NAA16: variants seen among roughly 807,000 people sequenced by gnomAD.
NAA16 encodes N-alpha-acetyltransferase 16, NatA auxiliary subunit, also known as NARG1-like protein.
A neutral mutation model predicts 110.3 loss-of-function variants in NAA16; 97 were observed. The observed-to-expected ratio is 0.88, with a 90% CI of 0.75 to 1.04. The LOEUF is 1.04. NAA16 is among the 50% of genes least tolerant of loss of function. The pLI, the probability that NAA16 is intolerant of heterozygous loss-of-function variation, is 0.00. For missense variants in NAA16, 1,017 were observed against 1,005.1 expected, an observed-to-expected ratio of 1.01 and a Z score of -0.16; for synonymous variants, 372 against 330.6, an observed-to-expected ratio of 1.13 and a Z score of -1.36.
chr13:41,349,423 C>T (rs2042768747), intron 9 of NAA16, among the ~76,000 whole-genome samples: 1 of 151,888 alleles, frequency 6.6e-6, no homozygotes, highest in East Asian at 1.9e-4. Context: ...CCTAAGTGAT[C>T]CTCTCACTTA....
At chr13:41,320,483 T>C (rs2041918190) in intron 3 of NAA16, among the ~76,000 whole-genome samples, 184 bp from the exon 4 acceptor site, 1 of 152,176 alleles carries the variant, frequency 6.6e-6, no homozygotes, top group African/African-American at 2.4e-5. Flanking sequence ...AATTTGACAA[T>C]TATCAACCCA....
At chr13:41,361,645 A>G (rs1040992861) in intron 12 of NAA16, among the ~76,000 whole-genome samples, 8 of 152,320 alleles carry the variant, frequency 5.3e-5, no homozygotes, top group Admixed American at 2.6e-4. Flanking sequence ...GATGGCTCCT[A>G]AGTGACAGTT....
intron 5 of NAA16, among the ~76,000 whole-genome samples, chr13:41,323,788 C>T (rs1015912473): frequency 2.6e-5 from 4 of 152,054 alleles, no homozygotes; most frequent in Non-Finnish European, 4.4e-5. Flanking sequence ...CCTGCCTCCA[C>T]GTTTCAATGG....
intron 9 of NAA16, among the ~76,000 whole-genome samples, chr13:41,344,722 G>C (rs920841589): frequency 6.6e-6 from 1 of 152,062 alleles, no homozygotes; most frequent in African/African-American, 2.4e-5. Context: ...ACCTATTTTT[G>C]TTTTGGTAAC....
intron 9 of NAA16, among the ~76,000 whole-genome samples, chr13:41,342,703 A>C (rs572383164): frequency 6.6e-6 from 1 of 152,216 alleles, no homozygotes; most frequent in Non-Finnish European, 1.5e-5. Flanking sequence ...ATGCCAACAA[A>C]TTATTTCTGT....
Position 41,374,800 on chromosome 13 carries a change from C to G in NAA16, c.2358C>G (p.Ala786=), listed in dbSNP as rs1326345192. The change falls in exon 19 of 20, where the codon GCC becomes GCG. Residue 786 remains alanine (A), a synonymous_variant. Transcript: ENST00000379406. The part of the protein sequence containing the change: ...KSRQEKAIAI[A]TRLDETIKDK... ...GGCAGGAGAAAGCAATTGCTATAGC[C>G]ACTAGACTAGATGAAACTATAAAAG... The G allele has an allele frequency of 6.2e-7, 1 of 1,612,032 alleles. No homozygotes were observed. The highest frequency in any genetic ancestry group is 1.3e-5 in the African/African-American group (1 of 74,806).
chr13:41,358,173 TTAG>T, intron 10 of NAA16, 128 bp from the exon 11 acceptor site: 2 of 755,918 alleles, frequency 2.6e-6, no homozygotes, highest in Middle Eastern at 3.3e-4. Context: ...TCTTTTGAAA[TTAG>T]TAGTTTTTGC....
chr13:41,313,503 A>T (rs528273987), intron 1 of NAA16, among the ~76,000 whole-genome samples: 7 of 152,384 alleles, frequency 4.6e-5, no homozygotes, highest in Non-Finnish European at 7.3e-5. Context: ...ATTCCATAGC[A>T]AACAGAAGTC....
intron 8 of NAA16, among the ~76,000 whole-genome samples, chr13:41,335,035 C>T (rs748138455): frequency 7.9e-5 from 12 of 152,180 alleles, no homozygotes; most frequent in South Asian, 2.1e-4. Flanking sequence ...AGAGCTTCCC[C>T]ATTCTTTTTC....
chr13:41,317,585 T>C (rs1342084894), intron 2 of NAA16, among the ~76,000 whole-genome samples: 3 of 152,214 alleles, frequency 2.0e-5, no homozygotes, highest in Non-Finnish European at 4.4e-5. Flanking sequence ...GATCATCTTA[T>C]TGGGAAAATA....
chr13:41,322,343 AGAGT>A (rs2041969408), intron 4 of NAA16, among the ~76,000 whole-genome samples: 1 of 152,138 alleles, frequency 6.6e-6, no homozygotes, highest in African/African-American at 2.4e-5. Context: ...CTGTGGGTAG[AGAGT>A]GAGATACCTA....
At chr13:41,368,480 C>A (rs1381875766) in intron 14 of NAA16, among the ~76,000 whole-genome samples, 1 of 152,092 alleles carries the variant, frequency 6.6e-6, no homozygotes, top group Non-Finnish European at 1.5e-5. Context: ...TTAGTTAATG[C>A]AACATTTACT....
At chr13:41,358,176 G>A (rs1278049827) in intron 10 of NAA16, 128 bp from the exon 11 acceptor site, 2 of 769,038 alleles carry the variant, frequency 2.6e-6, no homozygotes, top group African/African-American at 1.8e-5. Context: ...TTTGAAATTA[G>A]TAGTTTTTGC....
At chr13:41,365,156 A>G (rs909372235) in intron 13 of NAA16, among the ~76,000 whole-genome samples, 1 of 152,048 alleles carries the variant, frequency 6.6e-6, no homozygotes, top group African/African-American at 2.4e-5. Context: ...AACTAACTTT[A>G]TCTGTTGGTG....
At chr13:41,311,919 A>C (rs2041601941) in intron 1 of NAA16, among the ~76,000 whole-genome samples, 1 of 152,210 alleles carries the variant, frequency 6.6e-6, no homozygotes, top group African/African-American at 2.4e-5. Context: ...CCGGGCTCGC[A>C]GCAGCCCCTC....
At position 41,358,491 on chromosome 13, in the gene NAA16, T is replaced by A; in HGVS notation, c.1257+18T>A. The A allele has an allele frequency of 6.2e-7, 1 of 1,612,010 alleles. No individual in the cohort carries two copies. The highest frequency in any genetic ancestry group is 8.5e-7 in the Non-Finnish European group (1 of 1,178,696). ...TTTACAAGGTAAAATCTGAATCCTGTTTTTTGAGTAGTTGAAGAATTCAGC... is the reference window on the plus strand; with the variant it reads ...TTTACAAGGTAAAATCTGAATCCTGATTTTTGAGTAGTTGAAGAATTCAGC... On this transcript the variant is annotated intron_variant, in intron 11 of 19. Coordinates refer to ENST00000379406, the MANE Select transcript of NAA16 (RefSeq NM_024561.5).
rs770989364 is a variant in NAA16, at chr13:41,373,801, GT to G, written c.2299+23del. On this transcript the variant is annotated intron_variant, in intron 18 of 19. Coordinates refer to ENST00000379406, the MANE Select transcript of NAA16 (RefSeq NM_024561.5). ...TTCAGGTTTGTTTGTAGCCCCCAGGGTTAAAATACTTATGGAAAAAGCGAAC... is the reference window on the plus strand; with the variant it reads ...TTCAGGTTTGTTTGTAGCCCCCAGGGTAAAATACTTATGGAAAAAGCGAAC... 12 of 1,566,084 alleles carry G rather than the reference GT, an allele frequency of 7.7e-6. No individual in the cohort carries two copies. In the East Asian group the frequency reaches 2.7e-4, roughly 36 times the overall value.
At chr13:41,326,821 G>C (rs1350173050) in intron 6 of NAA16, among the ~76,000 whole-genome samples, 1 of 152,134 alleles carries the variant, frequency 6.6e-6, no homozygotes, top group Non-Finnish European at 1.5e-5. Flanking sequence ...CTTTCCCACT[G>C]TCATGCTCTA....
In NAA16 at chr13:41,363,122, TCTC is replaced by T. The variant is rs1261395983; in HGVS notation, c.1539+966_1539+968del. Among the ~76,000 whole-genome samples, 15 of 152,214 alleles carry T rather than the reference TCTC, an allele frequency of 9.9e-5. No individual in the cohort carries two copies. The East Asian group carries it at 1.2e-3, about 12-fold the overall frequency. ...TCTCTGGGGAAAATCCTCCTCATCT[TCTC>T]CTTGAAAAATATAAAGCCCTTGGGA... On this transcript the variant is annotated intron_variant, in intron 13 of 19. Transcript: ENST00000379406.
Sources: gnomAD v4.1 joint callset for allele counts (sites outside exome capture counted in the v4.1 genomes callset) on GRCh38, gnomAD v4.1.1 for gene constraint, MANE v1.5 for transcripts, NCBI Gene and HGNC (gene_info 2026-07-23, HGNC 2026-07-21) for gene names.